PCDH17: variants seen among roughly 807,000 people sequenced by gnomAD.
PCDH17 encodes protocadherin-17.
Under a neutral mutation model 67.7 loss-of-function variants are expected in PCDH17, and 21 were observed. The ratio of observed to expected loss-of-function variants is 0.31; its 90% CI spans 0.22 to 0.45. The LOEUF (loss-of-function observed/expected upper bound fraction) is 0.45. Among genes scored for constraint, PCDH17 ranks in the 20% least tolerant of loss-of-function variants. The pLI is 1.00. For synonymous variants in PCDH17, 701 were observed against 656.7 expected (o/e 1.07, Z -1.03); for missense variants, 1,471 against 1,564.8 (o/e 0.94, Z 1.01).
chr13:57,682,051 A>G (rs1447511554), intron 3 of PCDH17, among the ~76,000 whole-genome samples: 1 of 151,696 alleles, frequency 6.6e-6, no homozygotes, highest in African/African-American at 2.4e-5. Flanking sequence ...GAGCAGCAAC[A>G]ACAACAAAAA....
chr13:57,694,759 C>T (rs1231012867), intron 3 of PCDH17, among the ~76,000 whole-genome samples: 1 of 151,034 alleles, frequency 6.6e-6, no homozygotes, highest in African/African-American at 2.4e-5. Flanking sequence ...AAAACAGTTA[C>T]AGTATATGAT....
chr13:57,710,108 A>C (rs2138087742), intron 3 of PCDH17, among the ~76,000 whole-genome samples: 1 of 152,004 alleles, frequency 6.6e-6, no homozygotes, highest in South Asian at 2.1e-4. Flanking sequence ...GAATAAACTG[A>C]TGGAATGGAA....
chr13:57,677,718 C>A (rs1232190088), intron 3 of PCDH17, among the ~76,000 whole-genome samples: 1 of 151,778 alleles, frequency 6.6e-6, no homozygotes, highest in Non-Finnish European at 1.5e-5. Context: ...AATCTGACAA[C>A]TGACAGGTCA....
chr13:57,717,166 C>T (rs909803344), intron 3 of PCDH17, among the ~76,000 whole-genome samples: 3 of 151,854 alleles, frequency 2.0e-5, no homozygotes, highest in African/African-American at 4.8e-5. Flanking sequence ...AAGCATCTGC[C>T]GCTGCCCCAG....
chr13:57,665,810 A>AT (rs1010988978), intron 1 of PCDH17, among the ~76,000 whole-genome samples: 3 of 152,044 alleles, frequency 2.0e-5, no homozygotes, highest in African/African-American at 4.8e-5. Context: ...TTTAAGTAAC[A>AT]TTTTTTTCTC....
chr13:57,649,430 C>G (rs1955008719), intron 1 of PCDH17, among the ~76,000 whole-genome samples: 2 of 152,050 alleles, frequency 1.3e-5, no homozygotes, highest in African/African-American at 2.4e-5. Flanking sequence ...TTTTGGATAC[C>G]ATGCTACAGC....
At chr13:57,713,645 C>T (rs1761076468) in intron 3 of PCDH17, among the ~76,000 whole-genome samples, 1 of 151,454 alleles carries the variant, frequency 6.6e-6, no homozygotes, top group African/African-American at 2.4e-5. Flanking sequence ...TTTAATTGTC[C>T]TCTTAGAAAG....
At chr13:57,695,680 G>A (rs1010023648) in intron 3 of PCDH17, among the ~76,000 whole-genome samples, 2 of 150,970 alleles carry the variant, frequency 1.3e-5, no homozygotes, top group African/African-American at 2.4e-5. Flanking sequence ...GGAAAACTGG[G>A]GCCAAATTTA....
chr13:57,642,593 T>C (rs1954918976), intron 1 of PCDH17, among the ~76,000 whole-genome samples: 1 of 151,606 alleles, frequency 6.6e-6, no homozygotes, highest in Non-Finnish European at 1.5e-5. Flanking sequence ...AAATATAATT[T>C]AGGCACTGAG....
intron 3 of PCDH17, among the ~76,000 whole-genome samples, chr13:57,693,105 T>G (rs1189199255): frequency 6.6e-6 from 1 of 150,526 alleles, no homozygotes; most frequent in Non-Finnish European, 1.5e-5. Context: ...TCCAGGGATA[T>G]GCCTGTTGTC....
chr13:57,653,385 A>G (rs1203235396), intron 1 of PCDH17, among the ~76,000 whole-genome samples: 2 of 152,122 alleles, frequency 1.3e-5, no homozygotes, highest in Non-Finnish European at 2.9e-5. Context: ...TCTGTAAAAT[A>G]GATGTGACAA....
intron 3 of PCDH17, among the ~76,000 whole-genome samples, chr13:57,685,805 G>T (rs1256901009): frequency 1.3e-5 from 2 of 151,920 alleles, no homozygotes; most frequent in Non-Finnish European, 2.9e-5. Context: ...CGGAATTTAG[G>T]CCAGGAACAG....
At chr13:57,635,186 G>A (rs1425882113) in intron 1 of PCDH17, 75 bp downstream of exon 1, 2 of 1,463,846 alleles carry the variant, frequency 1.4e-6, no homozygotes, top group Admixed American at 2.2e-5. Context: ...TTTGGAACAG[G>A]GCAAGCCACT....
chr13:57,690,278 C>G (rs1167053200), intron 3 of PCDH17, among the ~76,000 whole-genome samples: 1 of 151,578 alleles, frequency 6.6e-6, no homozygotes, highest in Non-Finnish European at 1.5e-5. Context: ...AGTGTTTTTA[C>G]AAATTAGTGA....
chr13:57,652,807 C>T (rs1487697470), intron 1 of PCDH17, among the ~76,000 whole-genome samples: 3 of 152,160 alleles, frequency 2.0e-5, no homozygotes, highest in South Asian at 2.1e-4. Context: ...CTTATACCAC[C>T]GGGATCTCAT....
intron 3 of PCDH17, among the ~76,000 whole-genome samples, chr13:57,681,512 GATT>G (rs1472416685): frequency 1.3e-5 from 2 of 151,560 alleles, no homozygotes; most frequent in African/African-American, 2.4e-5. Context: ...TGCTTATATA[GATT>G]ACTTACCTTT....
rs1207574887 is a variant in PCDH17, at chr13:57,724,755, A to C, written c.2941A>C (p.Asn981His). 1 of 1,614,042 alleles carries C rather than the reference A, an allele frequency of 6.2e-7. No individual in the cohort carries two copies. The highest frequency in any genetic ancestry group is 1.3e-5 in the African/African-American group (1 of 74,928). Reference sequence around the variant, plus strand: ...TCTCTTTGTACCTACAGTTGAAGCTAATGTTGAGACTGAGACTTACGAAAC... The same window carrying C: ...TCTCTTTGTACCTACAGTTGAAGCTCATGTTGAGACTGAGACTTACGAAAC... ...TNLFVPTVEA[N>H]VETETYETVN... The change falls in exon 4 of 4, where the codon AAT becomes CAT. Residue 981 changes from asparagine (N) to histidine (H), a missense_variant. This residue lies in a region of PCDH17 where 297 missense variants were observed against 298.6 expected (regional missense o/e 0.99). Transcript: ENST00000377918.
chr13:57,694,227 A>T (rs1955585881), intron 3 of PCDH17, among the ~76,000 whole-genome samples: 1 of 151,224 alleles, frequency 6.6e-6, no homozygotes, highest in South Asian at 2.1e-4. Flanking sequence ...GTTTGTTGTT[A>T]AAAAATGCCC....
rs371486551 is a variant in PCDH17, at chr13:57,632,954, G to C, written c.408G>C (p.Gln136His). The C allele has an allele frequency of 6.2e-7, 1 of 1,613,870 alleles. No homozygotes were observed. The highest frequency in any genetic ancestry group is 8.5e-7 in the Non-Finnish European group (1 of 1,180,012). ...ACGCGCCCTCCTTCTCCTCGGACCA[G>C]ATCGAAATGGACATCTCGGAGAACG... is the stretch of plus-strand genomic sequence containing the variant. ...NDNAPSFSSD[Q>H]IEMDISENAA... The change falls in exon 1 of 4, where the codon CAG (glutamine) becomes CAC (histidine). Residue 136 changes from glutamine to histidine, a missense_variant. Gln to His is a conservative substitution (Grantham distance 24, BLOSUM62 0). Around this residue, in one of 3 missense-constraint regions of PCDH17, gnomAD observed 1,163 missense variants for 1,230.0 expected, o/e 0.95. Transcript: ENST00000377918.
Sources: gnomAD v4.1 joint callset for allele counts (sites outside exome capture counted in the v4.1 genomes callset) on GRCh38, gnomAD v4.1.1 for gene constraint, gnomAD v4.1.1 regional missense constraint, MANE v1.5 for transcripts, NCBI Gene and HGNC (gene_info 2026-07-23, HGNC 2026-07-21) for gene names.